The following NACC2 variants were observed in gnomAD, a reference collection of about 807,000 sequenced individuals.
NACC2 encodes the protein nucleus accumbens-associated protein 2.
Under a neutral mutation model 25.1 loss-of-function variants are expected in NACC2, and 8 were observed. The ratio of observed to expected loss-of-function variants is 0.32; its 90% CI spans 0.19 to 0.57. The LOEUF is 0.57. Among genes scored for constraint, NACC2 ranks in the 20% least tolerant of loss-of-function variants. NACC2 has a pLI of 0.89. For missense variants in NACC2, 644 were observed against 650.2 expected (o/e 0.99, Z 0.10); for synonymous variants, 435 against 294.7 (o/e 1.48, Z -4.88).
intron 1 of NACC2, among the ~76,000 whole-genome samples, chr9:136,065,426 C>G (rs1002105613): frequency 1.3e-5 from 2 of 152,194 alleles, no homozygotes; most frequent in Non-Finnish European, 2.9e-5. Context: ...TCAAGACCAG[C>G]CTGGCCAACA....
chr9:136,084,941 T>C lies in NACC2; in HGVS notation c.-60+10248A>G, dbSNP rs1233907940. ...CAGGGGCTGGGGCAAGGATGGGGAG[T>C]TTGTGTCTAATGGGGAAAGGGGTTC... On this transcript the variant is annotated intron_variant, in intron 1 of 5. Coordinates refer to ENST00000277554, the MANE Select transcript of NACC2 (RefSeq NM_144653.5). This position sits in a 1 kb window ranked among gnomAD's most constrained non-coding sequence, Gnocchi z 5.1. 6.6e-6 allele frequency among the ~76,000 whole-genome samples: 1 copy of C among 151,316 alleles called. No individual in the cohort carries two copies. Among genetic ancestry groups the C allele is most frequent in the Admixed American group, 6.6e-5 (1 of 15,188 alleles).
chr9:136,057,364 G>A (rs1036154832), intron 1 of NACC2, among the ~76,000 whole-genome samples: 2 of 152,262 alleles, frequency 1.3e-5, no homozygotes, highest in African/African-American at 2.4e-5. Flanking sequence ...AGAATGACTC[G>A]AAGGGTGGGG....
chr9:136,059,832 C>A (rs920995230), intron 1 of NACC2, among the ~76,000 whole-genome samples: 2 of 152,214 alleles, frequency 1.3e-5, no homozygotes, highest in Non-Finnish European at 2.9e-5. Flanking sequence ...TCGGCCTGGC[C>A]TCCGTCAGAG....
rs925474003 is a variant in NACC2, at chr9:136,045,945, G to A, written c.886+3691C>T. On this transcript the variant is annotated intron_variant, in intron 2 of 5. Transcript: ENST00000277554. The stretch of plus-strand genomic sequence containing the variant: ...CCACCCGGCCGGCTGCCTTGCCGGG[G>A]AAGCCCCGGCTCCCGGTGTCCCTGC... 4.6e-5 allele frequency among the ~76,000 whole-genome samples: 7 copies of A among 152,282 alleles called. No homozygotes were observed. In the South Asian group the frequency reaches 1.4e-3, roughly 32 times the overall value.
rs775850647 is a variant in NACC2 at position 136,009,665 on chromosome 9, G to A, written c.*1851C>T. 3.3e-5 allele frequency: 5 copies of A among 152,304 alleles called. No homozygotes were observed. The highest frequency in any genetic ancestry group is 7.2e-5 in the African/African-American group (3 of 41,470). 9.4% of individuals were successfully genotyped at this position (152,304 alleles called of 1,614,324 possible). ...GGGCCTCGCCACAGGGGTGGGCTTC[G>A]GGGCAGAAAGGAGCCGCCCAGTGGG... is the stretch of plus-strand genomic sequence containing the variant. On this transcript the variant is annotated 3_prime_UTR_variant, in exon 6 of 6. Transcript: ENST00000277554.
At chr9:136,034,492 T>C (rs1840523107) in intron 2 of NACC2, among the ~76,000 whole-genome samples, 1 of 152,138 alleles carries the variant, frequency 6.6e-6, no homozygotes, top group Admixed American at 6.5e-5. Flanking sequence ...CTCTGACTGC[T>C]AAAAGGCTAT....
At chr9:136,057,691 G>A (rs2131168424) in intron 1 of NACC2, among the ~76,000 whole-genome samples, 1 of 152,332 alleles carries the variant, frequency 6.6e-6, no homozygotes, top group East Asian at 1.9e-4. Flanking sequence ...CCCTGCACCG[G>A]CTCGGCCGGG....
Position 136,039,267 on chromosome 9 carries a change from C to G in NACC2, c.886+10369G>C, listed in dbSNP as rs980685685. Reference sequence around the variant, plus strand: ...GATGAAAGAGAAAATCCTAATAGTTCTATGTCTAAAGTAATATTGGTAATT... The same window carrying G: ...GATGAAAGAGAAAATCCTAATAGTTGTATGTCTAAAGTAATATTGGTAATT... On this transcript the variant is annotated intron_variant, in intron 2 of 5. Transcript: ENST00000277554. Among the ~76,000 whole-genome samples, 3 of 152,270 alleles carry G rather than the reference C, an allele frequency of 2.0e-5. No homozygotes were observed. The South Asian group carries it at 6.2e-4, about 32-fold the overall frequency.
chr9:136,060,452 CTG>C (rs746565582), intron 1 of NACC2, among the ~76,000 whole-genome samples: 1 of 152,246 alleles, frequency 6.6e-6, no homozygotes, highest in African/African-American at 2.4e-5. Flanking sequence ...AACTGTGAAA[CTG>C]TGGCAGCAGG....
intron 2 of NACC2, among the ~76,000 whole-genome samples, chr9:136,045,822 G>T (rs990100668): frequency 3.9e-5 from 6 of 152,124 alleles, no homozygotes; most frequent in Non-Finnish European, 7.4e-5. Flanking sequence ...GCTGTTGCAG[G>T]GACCTGTGGA....
In NACC2 at chr9:136,086,639, A is replaced by G. The variant is rs1289730829; in HGVS notation, c.-60+8550T>C. 6.6e-6 allele frequency among the ~76,000 whole-genome samples: 1 copy of G among 152,224 alleles called. No individual in the cohort carries two copies. Among genetic ancestry groups the G allele is most frequent in the Admixed American group, 6.5e-5 (1 of 15,284 alleles). ...TCACCGCCTAAACTGGGTTACAATA[A>G]TTAACACGAATCCTGTTCCCAAACT... On this transcript the variant is annotated intron_variant, in intron 1 of 5. Transcript: ENST00000277554. The surrounding 1 kb of genome is among the most constrained non-coding windows in gnomAD (Gnocchi z 5.6).
At chr9:136,065,931 C>T (rs534978812) in intron 1 of NACC2, among the ~76,000 whole-genome samples, 198 of 152,134 alleles carry the variant, frequency 1.3e-3, no homozygotes, top group African/African-American at 4.4e-3. Flanking sequence ...TGGTGGCTCA[C>T]GCTTGTAATC....
intron 1 of NACC2, among the ~76,000 whole-genome samples, chr9:136,092,425 G>T (rs909445073): frequency 6.6e-6 from 1 of 152,156 alleles, no homozygotes; most frequent in Non-Finnish European, 1.5e-5. Flanking sequence ...TGCATCAGAC[G>T]GCGGCTCAGG....
intron 2 of NACC2, among the ~76,000 whole-genome samples, chr9:136,046,298 G>A (rs1013621215): frequency 6.6e-6 from 1 of 152,218 alleles, no homozygotes; most frequent in African/African-American, 2.4e-5. Context: ...CCCTCTGGGA[G>A]GTTTCCCCAT....
At chr9:136,087,114 G>T (rs1185624635) in intron 1 of NACC2, among the ~76,000 whole-genome samples, 1 of 152,252 alleles carries the variant, frequency 6.6e-6, no homozygotes, top group Admixed American at 6.5e-5. Flanking sequence ...CAGAGACTGG[G>T]CCCATGATCC....
chr9:136,045,054 G>T (rs1365396691), intron 2 of NACC2, among the ~76,000 whole-genome samples: 1 of 152,262 alleles, frequency 6.6e-6, no homozygotes, highest in African/African-American at 2.4e-5. Context: ...TCTGTCCAGG[G>T]TCCAGGATGT....
intron 1 of NACC2, among the ~76,000 whole-genome samples, chr9:136,085,327 T>C (rs887360254): frequency 1.8e-4 from 27 of 151,832 alleles, no homozygotes; most frequent in African/African-American, 5.6e-4. Flanking sequence ...AAAAAATTTT[T>C]TTAATTAGCC....
At position 136,018,198 on chromosome 9, in the gene NACC2, C is replaced by T. The variant is rs867599273; in HGVS notation, c.887-1769G>A. 3.9e-5 allele frequency among the ~76,000 whole-genome samples: 6 copies of T among 152,148 alleles called. No homozygotes were observed. The highest frequency in any genetic ancestry group is 7.4e-5 in the Non-Finnish European group (5 of 68,002). ...TGGCCATGCTGTCCCTGTTCCCAGTCCCTCCATGACCCCCACCTTGGAGAG... is the reference window on the plus strand; with the variant it reads ...TGGCCATGCTGTCCCTGTTCCCAGTTCCTCCATGACCCCCACCTTGGAGAG... On this transcript the variant is annotated intron_variant, in intron 2 of 5. Transcript: ENST00000277554. This position sits in a 1 kb window ranked among gnomAD's most constrained non-coding sequence, Gnocchi z 4.4.
At chr9:136,094,462 C>T (rs1830466096) in intron 1 of NACC2, among the ~76,000 whole-genome samples, 1 of 152,220 alleles carries the variant, frequency 6.6e-6, no homozygotes, top group African/African-American at 2.4e-5. Context: ...CCTCGGTCCG[C>T]CCTGGCCGTG....
Sources: gnomAD v4.1 joint callset for allele counts (sites outside exome capture counted in the v4.1 genomes callset) on GRCh38, gnomAD v4.1.1 for gene constraint, Gnocchi (gnomAD v3.1) non-coding constraint, MANE v1.5 for transcripts, NCBI Gene and HGNC (gene_info 2026-07-23, HGNC 2026-07-21) for gene names.